The following RIMS2 variants were observed in gnomAD, a reference collection of about 807,000 sequenced individuals.
RIMS2 encodes the protein regulating synaptic membrane exocytosis 2.
In RIMS2, 59 loss-of-function variants were observed where a neutral mutation model predicts 174.4. That is an observed-to-expected ratio of 0.34 (90% CI 0.27 to 0.42). The LOEUF (loss-of-function observed/expected upper bound fraction) is 0.42, where lower values mean the gene tolerates loss of function less well. Among genes scored for constraint, RIMS2 ranks in the 10% least tolerant of loss-of-function variants. The probability of loss-of-function intolerance (pLI) is 1.00; values close to 1 mark genes in which losing one functional copy is unlikely to be tolerated. For synonymous variants in RIMS2, 606 were observed against 572.5 expected (o/e 1.06, Z -0.84); for missense variants, 1,620 against 1,666.3 (o/e 0.97, Z 0.48).
chr8:103,942,571 T>C (rs1343692772), intron 13 of RIMS2, among the ~76,000 whole-genome samples: 1 of 152,212 alleles, frequency 6.6e-6, no homozygotes, highest in Non-Finnish European at 1.5e-5. Flanking sequence ...CTTAGATATT[T>C]AAAACTATTA....
intron 19 of RIMS2, among the ~76,000 whole-genome samples, chr8:104,077,744 G>A (rs1415490775): frequency 6.8e-6 from 1 of 147,824 alleles, no homozygotes; most frequent in Non-Finnish European, 1.5e-5. Context: ...TATAAATTAT[G>A]ATTTAGCTGA....
At chr8:104,201,270 T>C (rs2099053299) in intron 19 of RIMS2, among the ~76,000 whole-genome samples, 1 of 152,218 alleles carries the variant, frequency 6.6e-6, no homozygotes, top group Non-Finnish European at 1.5e-5. Context: ...CTTTGTCTTA[T>C]TCTTTTTGTG....
chr8:103,967,123 A>T (rs1159773309), intron 15 of RIMS2, among the ~76,000 whole-genome samples: 1 of 126,522 alleles, frequency 7.9e-6, no homozygotes, highest in East Asian at 2.6e-4. Context: ...GGTGTTTTTG[A>T]GTTCACTTAT....
intron 3 of RIMS2, among the ~76,000 whole-genome samples, chr8:103,812,624 T>C (rs1251748910): frequency 6.6e-6 from 1 of 152,168 alleles, no homozygotes; most frequent in Non-Finnish European, 1.5e-5. Context: ...TCAGGTGATC[T>C]GCCTGCCTTG....
At chr8:103,592,744 A>C (rs933793639) in intron 1 of RIMS2, among the ~76,000 whole-genome samples, 13 of 151,564 alleles carry the variant, frequency 8.6e-5, no homozygotes, top group Middle Eastern at 3.4e-3. Context: ...TATTAGCATT[A>C]AACTTTTTTT....
At chr8:103,527,385 TTTTA>T (rs753424244) in intron 1 of RIMS2, among the ~76,000 whole-genome samples, 51 of 152,274 alleles carry the variant, frequency 3.3e-4, no homozygotes, top group Middle Eastern at 3.4e-3. Context: ...ATACTTTATT[TTTTA>T]TTTATTTATT....
intron 1 of RIMS2, among the ~76,000 whole-genome samples, chr8:103,544,863 A>G (rs1844265551): frequency 1.3e-5 from 2 of 152,200 alleles, no homozygotes; most frequent in Non-Finnish European, 2.9e-5. Flanking sequence ...CATCAAGGGC[A>G]TCAAAGAAGA....
chr8:104,154,807 C>T (rs2134261633), intron 19 of RIMS2, among the ~76,000 whole-genome samples: 1 of 152,298 alleles, frequency 6.6e-6, no homozygotes, highest in Non-Finnish European at 1.5e-5. Context: ...ATCATTTACT[C>T]ATCTATCTCT....
intron 1 of RIMS2, among the ~76,000 whole-genome samples, chr8:103,589,698 G>A (rs1475618927): frequency 6.6e-6 from 1 of 151,414 alleles, no homozygotes; most frequent in Non-Finnish European, 1.5e-5. Flanking sequence ...ACACACAGAG[G>A]AATAGATAAA....
At chr8:103,531,497 A>G (rs181862441) in intron 1 of RIMS2, among the ~76,000 whole-genome samples, 89 of 152,332 alleles carry the variant, frequency 5.8e-4, no homozygotes, top group South Asian at 2.7e-3. Context: ...GGGAGGTGTT[A>G]CACCTGGAGA....
chr8:103,984,827 A>G (rs1201455301), intron 16 of RIMS2, among the ~76,000 whole-genome samples: 1 of 152,206 alleles, frequency 6.6e-6, no homozygotes, highest in Non-Finnish European at 1.5e-5. Flanking sequence ...CAGAAAATGT[A>G]TTTATGCATG....
intron 5 of RIMS2, 113 bp downstream of exon 8, chr8:103,910,642 T>C (rs1341883973): frequency 3.3e-6 from 2 of 608,046 alleles, no homozygotes; most frequent in East Asian, 2.8e-5. Context: ...AGGGTCACTG[T>C]AGCATTTCTT....
intron 4 of RIMS2, among the ~76,000 whole-genome samples, chr8:103,900,843 C>T (rs1440852566): frequency 6.6e-6 from 1 of 152,018 alleles, no homozygotes; most frequent in Admixed American, 6.6e-5. Flanking sequence ...TGGTTTAGAT[C>T]CAGAAACTAT....
chr8:103,590,158 T>C (rs966851851), intron 1 of RIMS2, among the ~76,000 whole-genome samples: 1 of 151,400 alleles, frequency 6.6e-6, no homozygotes, highest in Non-Finnish European at 1.5e-5. Flanking sequence ...GCTTATTTCA[T>C]GTTGCATTTC....
intron 19 of RIMS2, among the ~76,000 whole-genome samples, chr8:104,210,220 A>G (rs2099099372): frequency 6.6e-6 from 1 of 152,200 alleles, no homozygotes; most frequent in Non-Finnish European, 1.5e-5. Context: ...AGGCTCCCCC[A>G]TGAAAGAGGA....
At chr8:104,123,157 A>G (rs1349737423) in intron 19 of RIMS2, among the ~76,000 whole-genome samples, 3 of 152,054 alleles carry the variant, frequency 2.0e-5, no homozygotes, top group Non-Finnish European at 4.4e-5. Flanking sequence ...GATTTTTGCC[A>G]TTTTAAGGGA....
At position 104,066,848 on chromosome 8, in the gene RIMS2, G is replaced by A. The variant is rs558999402; in HGVS notation, c.3334+52233G>A. 1.3e-3 allele frequency among the ~76,000 whole-genome samples: 194 copies of A among 152,086 alleles called. 1 individual carries two copies. The highest frequency in any genetic ancestry group is 1.7e-3 in the Non-Finnish European group (114 of 67,964). On this transcript the variant is annotated intron_variant, in intron 19 of 23. Transcript: ENST00000504942. ...TTTTCTGGTATTTAGAGGTAATATA[G>A]TATAAGTTTTTTGTATATTTATCTA...
At chr8:103,540,818 A>ACAAG (rs898607181) in intron 1 of RIMS2, among the ~76,000 whole-genome samples, 8 of 152,186 alleles carry the variant, frequency 5.3e-5, no homozygotes, top group Non-Finnish European at 1.2e-4. Flanking sequence ...TTGTAAATAA[A>ACAAG]CAAGCAAACA....
intron 16 of RIMS2, among the ~76,000 whole-genome samples, chr8:103,989,010 G>C (rs1416759149): frequency 6.6e-6 from 1 of 152,048 alleles, no homozygotes; most frequent in Non-Finnish European, 1.5e-5. Context: ...CTAGAGACCT[G>C]GTAGTCATCC....
Sources: allele counts gnomAD v4.1 joint callset (sites outside exome capture counted in the v4.1 genomes callset), GRCh38; gene constraint gnomAD v4.1.1; transcripts MANE v1.5; gene names NCBI Gene and HGNC (gene_info 2026-07-23, HGNC 2026-07-21).